STARD3NL: variants seen among roughly 807,000 people sequenced by gnomAD.
STARD3NL encodes the protein STARD3 N-terminal-like protein.
A neutral mutation model predicts 30.9 loss-of-function variants in STARD3NL; 17 were observed. The ratio of observed to expected loss-of-function variants is 0.55; its 90% confidence interval spans 0.38 to 0.82. The LOEUF is 0.82. Among genes scored for constraint, STARD3NL ranks in the 40% least tolerant of loss-of-function variants. The pLI is 0.00. For synonymous variants in STARD3NL, 112 were observed against 100.5 expected, an observed-to-expected ratio of 1.11 and a Z score of -0.69; for missense variants, 234 against 277.6, an observed-to-expected ratio of 0.84 and a Z score of 1.12.
intron 1 of STARD3NL, among the ~76,000 whole-genome samples, chr7:38,181,697 T>C (rs780277781): frequency 2.6e-5 from 4 of 152,228 alleles, no homozygotes; most frequent in African/African-American, 4.8e-5. Context: ...TTTTGCTCTT[T>C]AGGCCAAAAT....
intron 1 of STARD3NL, among the ~76,000 whole-genome samples, chr7:38,191,927 T>C (rs1385865113): frequency 6.6e-6 from 1 of 151,254 alleles, no homozygotes; most frequent in African/African-American, 2.4e-5. Context: ...AAAAGCATGG[T>C]GGGATTATGA....
At chr7:38,229,559 A>G (rs1786980021) in intron 8 of STARD3NL, among the ~76,000 whole-genome samples, 1 of 152,220 alleles carries the variant, frequency 6.6e-6, no homozygotes, top group Admixed American at 6.5e-5. Context: ...TTAACCACAG[A>G]AGGAAAAAGC....
At chr7:38,183,503 G>T (rs1044683826) in intron 1 of STARD3NL, among the ~76,000 whole-genome samples, 5 of 152,276 alleles carry the variant, frequency 3.3e-5, no homozygotes, top group African/African-American at 1.2e-4. Context: ...GTTTGGGTTA[G>T]ATGGGTTCCT....
chr7:38,192,944 G>GTT (rs200353298), intron 1 of STARD3NL, among the ~76,000 whole-genome samples: 1 of 150,966 alleles, frequency 6.6e-6, no homozygotes, highest in South Asian at 2.1e-4. Flanking sequence ...ATTGTTGTTG[G>GTT]TTTTTTTTTA....
At chr7:38,222,908 G>GA (rs530350587) in intron 7 of STARD3NL, among the ~76,000 whole-genome samples, 3 of 151,590 alleles carry the variant, frequency 2.0e-5, no homozygotes, top group Non-Finnish European at 4.4e-5. Context: ...AATATGCCTA[G>GA]AAAAAAAAGA....
chr7:38,198,643 A>G (rs1464484034), intron 1 of STARD3NL, among the ~76,000 whole-genome samples: 2 of 152,216 alleles, frequency 1.3e-5, no homozygotes, highest in Non-Finnish European at 2.9e-5. Context: ...TGCCATAAGT[A>G]GTGCTGAGAA....
chr7:38,199,985 C>T (rs940545607), intron 1 of STARD3NL, among the ~76,000 whole-genome samples: 8 of 152,182 alleles, frequency 5.3e-5, no homozygotes, highest in African/African-American at 1.7e-4. Context: ...GCAGGCAGCT[C>T]TAATCTAGTC....
intron 4 of STARD3NL, 52 bp from the exon 5 acceptor site, chr7:38,216,973 T>G (rs1786154338): frequency 1.9e-6 from 3 of 1,602,378 alleles, no homozygotes; most frequent in Admixed American, 1.7e-5. Context: ...GGGAGGTACC[T>G]TCACAGTGTG....
intron 7 of STARD3NL, among the ~76,000 whole-genome samples, chr7:38,222,406 T>C (rs778584815): frequency 6.6e-6 from 1 of 152,224 alleles, no homozygotes; most frequent in Admixed American, 6.5e-5. Flanking sequence ...TAGAATTTAG[T>C]ATTAAATTGT....
chr7:38,180,141 C>T (rs1429876176), intron 1 of STARD3NL, among the ~76,000 whole-genome samples: 1 of 152,218 alleles, frequency 6.6e-6, no homozygotes, highest in Non-Finnish European at 1.5e-5. Context: ...CTCATAAACT[C>T]TAGCCAACTT....
chr7:38,196,223 C>A (rs1784891884), intron 1 of STARD3NL, among the ~76,000 whole-genome samples: 1 of 151,492 alleles, frequency 6.6e-6, no homozygotes, highest in Non-Finnish European at 1.5e-5. Context: ...AATCACTTGG[C>A]CAATGGATGG....
At chr7:38,180,324 C>A (rs748187967) in intron 1 of STARD3NL, among the ~76,000 whole-genome samples, 1 of 152,146 alleles carries the variant, frequency 6.6e-6, no homozygotes, top group African/African-American at 2.4e-5. Flanking sequence ...TCTTAAGCTC[C>A]CTGCTTTTAA....
chr7:38,201,109 T>C (rs1446567126), intron 1 of STARD3NL, among the ~76,000 whole-genome samples: 2 of 152,188 alleles, frequency 1.3e-5, no homozygotes, highest in Non-Finnish European at 2.9e-5. Flanking sequence ...ATTAAGTAGG[T>C]AAACTATAAA....
At chr7:38,215,149 T>G in intron 4 of STARD3NL, 44 bp downstream of exon 4, 1 of 1,578,534 alleles carries the variant, frequency 6.3e-7, no homozygotes, top group Non-Finnish European at 8.7e-7. Context: ...CCAGTGCTGG[T>G]GGCCAAGTCC....
intron 1 of STARD3NL, among the ~76,000 whole-genome samples, chr7:38,196,726 A>G (rs1784912921): frequency 1.3e-5 from 2 of 152,258 alleles, no homozygotes; most frequent in African/African-American, 4.8e-5. Context: ...ATATTTTGAG[A>G]TGACTGGTTT....
rs367896438 is a variant in STARD3NL, at chr7:38,228,822, C to T, written c.673C>T (p.Gln225Ter). ...AGGATCTGAAGAAGCTGAAGAAAAA[C>T]AGGACAGTGAGAAACCACTTTTAGA... ...EAGSEEAEEK[Q>*]DSEKPLLEL The change falls in exon 8 of 9, where the codon CAG becomes TAG. Residue 225 changes from glutamine to a stop codon, truncating the protein, a stop_gained. Transcript: ENST00000009041. LOFTEE classifies it high-confidence loss of function. 5 of 1,612,816 alleles carry T rather than the reference C, an allele frequency of 3.1e-6. No homozygotes were observed. In the African/African-American group the frequency reaches 6.7e-5, roughly 22 times the overall value.
At position 38,178,324 on chromosome 7, in the gene STARD3NL, A is replaced by T. The variant is rs1784097539; in HGVS notation, c.-155A>T. On this transcript the variant is annotated 5_prime_UTR_variant, in exon 1 of 9. Coordinates refer to ENST00000009041, the MANE Select transcript of STARD3NL (RefSeq NM_032016.4). ...TTGTCCGCTGGACTGGGTCCCGGTC[A>T]CGCCCCGCCAAGCCCCGCCCCTCAG... The T allele has an allele frequency of 6.6e-6, 1 of 151,952 alleles. No individual in the cohort carries two copies. Among genetic ancestry groups the T allele is most frequent in the African/African-American group, 2.4e-5 (1 of 41,356 alleles). The allele number at this position is 151,952 out of a possible 1,614,324, so 9.4% of individuals were successfully genotyped here. A position where few individuals can be genotyped will look rare whatever the true frequency, so the allele number is the denominator to read the frequency against.
chr7:38,206,962 A>C (rs995621524), intron 1 of STARD3NL, among the ~76,000 whole-genome samples: 1 of 152,168 alleles, frequency 6.6e-6, no homozygotes, highest in Non-Finnish European at 1.5e-5. Flanking sequence ...TTGTACAGAC[A>C]GGACCTTGCT....
chr7:38,220,681 T>C (rs892008743), intron 7 of STARD3NL, among the ~76,000 whole-genome samples: 2 of 152,252 alleles, frequency 1.3e-5, no homozygotes, highest in African/African-American at 2.4e-5. Flanking sequence ...ACAGCAGATA[T>C]GTGTATACCC....
Sources: gnomAD v4.1 joint callset for allele counts (sites outside exome capture counted in the v4.1 genomes callset) on GRCh38, gnomAD v4.1.1 for gene constraint, MANE v1.5 for transcripts, NCBI Gene and HGNC (gene_info 2026-07-23, HGNC 2026-07-21) for gene names.